ERBB4: variants seen among roughly 807,000 people sequenced by gnomAD.
ERBB4 encodes receptor tyrosine-protein kinase erbB-4.
In ERBB4, 42 loss-of-function variants were observed where a neutral mutation model predicts 158.0. The ratio of observed to expected loss-of-function variants is 0.27; its 90% confidence interval spans 0.21 to 0.34. The LOEUF (loss-of-function observed/expected upper bound fraction) is 0.34, where lower values mean the gene tolerates loss of function less well. Among genes scored for constraint, ERBB4 ranks in the 10% least tolerant of loss-of-function variants. The pLI is 1.00. For missense variants in ERBB4, 1,333 were observed against 1,624.1 expected, an observed-to-expected ratio of 0.82 and a Z score of 3.08; for synonymous variants, 583 against 558.7, an observed-to-expected ratio of 1.04 and a Z score of -0.61.
Position 212,391,405 on chromosome 2 carries a change from A to AT in ERBB4, c.82+147043dup, listed in dbSNP as rs571839379. On this transcript the variant is annotated intron_variant, in intron 1 of 27. Coordinates refer to ENST00000342788, the MANE Select transcript of ERBB4 (RefSeq NM_005235.3). ...ATGCTTCATTCACAGCTGATGTTTA[A>AT]TATATTTGCTTAATGAGCAGACTTT... is the stretch of plus-strand genomic sequence containing the variant. Among the ~76,000 whole-genome samples, 22 of 151,302 alleles carry AT rather than the reference A, an allele frequency of 1.5e-4. No individual in the cohort carries two copies. In the South Asian group the frequency reaches 4.4e-3, roughly 30 times the overall value.
At chr2:211,518,366 CA>C (rs2066094070) in intron 20 of ERBB4, among the ~76,000 whole-genome samples, 1 of 143,384 alleles carries the variant, frequency 7.0e-6, no homozygotes, top group African/African-American at 2.7e-5. Context: ...CTTGGAAACA[CA>C]CTAGGTCAAG....
At chr2:211,408,186 G>T (rs1370143486) in intron 25 of ERBB4, among the ~76,000 whole-genome samples, 3 of 152,120 alleles carry the variant, frequency 2.0e-5, no homozygotes, top group African/African-American at 7.2e-5. Flanking sequence ...TATATAAAGG[G>T]TAAAGAAACT....
At chr2:211,450,497 C>G (rs1353027770) in intron 20 of ERBB4, among the ~76,000 whole-genome samples, 2 of 152,022 alleles carry the variant, frequency 1.3e-5, no homozygotes, top group Non-Finnish European at 2.9e-5. Context: ...CAGCCCGGAC[C>G]AGGGTGGTGC....
At chr2:211,540,541 TTTG>T (rs1273645498) in intron 20 of ERBB4, among the ~76,000 whole-genome samples, 1 of 151,540 alleles carries the variant, frequency 6.6e-6, no homozygotes, top group Non-Finnish European at 1.5e-5. Flanking sequence ...TTGGTGTTTT[TTTG>T]TTTTTGTTTT....
At chr2:212,043,275 T>A (rs2077182007) in intron 2 of ERBB4, among the ~76,000 whole-genome samples, 1 of 152,212 alleles carries the variant, frequency 6.6e-6, no homozygotes, top group Non-Finnish European at 1.5e-5. Flanking sequence ...TCAACTCTCA[T>A]GCTTTTACAT....
At chr2:212,377,892 T>C (rs1560159014) in intron 1 of ERBB4, among the ~76,000 whole-genome samples, 1 of 151,980 alleles carries the variant, frequency 6.6e-6, no homozygotes, top group Admixed American at 6.6e-5. Context: ...CACAAGCACA[T>C]TGTACAGCTG....
chr2:211,416,620 C>G (rs559543704), intron 25 of ERBB4, among the ~76,000 whole-genome samples: 61 of 152,296 alleles, frequency 4.0e-4, no homozygotes, highest in African/African-American at 1.5e-3. Context: ...TACACAATTA[C>G]TTGTATAACA....
intron 4 of ERBB4, among the ~76,000 whole-genome samples, chr2:211,751,593 T>C (rs2075130400): frequency 6.6e-6 from 1 of 152,242 alleles, no homozygotes; most frequent in Admixed American, 6.5e-5. Flanking sequence ...TTAAACATTG[T>C]CAATTGTTTA....
At chr2:211,667,257 A>C (rs983325827) in intron 14 of ERBB4, among the ~76,000 whole-genome samples, 3 of 152,154 alleles carry the variant, frequency 2.0e-5, no homozygotes, top group African/African-American at 7.2e-5. Context: ...TAGATATTAC[A>C]AATTGGTTAC....
intron 1 of ERBB4, among the ~76,000 whole-genome samples, chr2:212,205,598 T>C (rs1463769612): frequency 1.3e-5 from 2 of 152,186 alleles, no homozygotes; most frequent in African/African-American, 4.8e-5. Context: ...CCTCAAATAT[T>C]AAAATTAAAA....
At chr2:212,354,429 G>T (rs1377436310) in intron 1 of ERBB4, among the ~76,000 whole-genome samples, 1 of 152,056 alleles carries the variant, frequency 6.6e-6, no homozygotes, top group African/African-American at 2.4e-5. Flanking sequence ...TAAATTTCTA[G>T]ATCTCATGAG....
intron 2 of ERBB4, among the ~76,000 whole-genome samples, chr2:211,957,259 T>C (rs1475590680): frequency 6.6e-6 from 1 of 152,012 alleles, no homozygotes; most frequent in Non-Finnish European, 1.5e-5. Context: ...TAATCCAATA[T>C]AACCAGTGTT....
At chr2:211,454,860 G>C (rs888228625) in intron 20 of ERBB4, among the ~76,000 whole-genome samples, 1 of 152,208 alleles carries the variant, frequency 6.6e-6, no homozygotes, top group African/African-American at 2.4e-5. Context: ...TGGCTTGTCA[G>C]TGCCTCCCCG....
intron 3 of ERBB4, among the ~76,000 whole-genome samples, chr2:211,902,198 A>G (rs1046500197): frequency 6.6e-6 from 1 of 152,238 alleles, no homozygotes; most frequent in Middle Eastern, 3.4e-3. Context: ...CTGTGCCTCC[A>G]CAAAGACTAT....
chr2:211,700,838 A>G (rs2073207774), intron 12 of ERBB4, among the ~76,000 whole-genome samples: 1 of 152,140 alleles, frequency 6.6e-6, no homozygotes, highest in Admixed American at 6.5e-5. Flanking sequence ...TGCCTTTTAG[A>G]ATGGATTGAT....
chr2:212,190,493 T>C (rs1336751697), intron 1 of ERBB4, among the ~76,000 whole-genome samples: 1 of 148,156 alleles, frequency 6.7e-6, no homozygotes, highest in Admixed American at 6.8e-5. Flanking sequence ...GCGGAGATCG[T>C]GCCATTGCAC....
intron 1 of ERBB4, among the ~76,000 whole-genome samples, chr2:212,187,421 T>TAATAAATAAATA (rs71054181): frequency 0.13 from 19,776 of 146,586 alleles, 1,544 homozygotes; most frequent in Non-Finnish European, 0.16. Flanking sequence ...TAAAGTATAA[T>TAATAAATAAATA]AATAAATAAA....
In ERBB4 at chr2:212,452,197, T is replaced by C. The variant is rs367938627; in HGVS notation, c.82+86252A>G. 8.5e-4 allele frequency among the ~76,000 whole-genome samples: 129 copies of C among 152,208 alleles called. 1 individual carries two copies. In the South Asian group the frequency reaches 0.027, roughly 31 times the overall value. On this transcript the variant is annotated intron_variant, in intron 1 of 27. Coordinates refer to ENST00000342788, the MANE Select transcript of ERBB4 (RefSeq NM_005235.3). The stretch of plus-strand genomic sequence containing the variant: ...TTTAAATCATGCCAGCCTAATGACC[T>C]TGCATATTTTATTAACACATACACT...
chr2:212,227,875 C>G (rs1185241700), intron 1 of ERBB4, among the ~76,000 whole-genome samples: 1 of 151,986 alleles, frequency 6.6e-6, no homozygotes, highest in Non-Finnish European at 1.5e-5. Flanking sequence ...TCAATGCACA[C>G]TCACATAGCA....
Sources: allele counts gnomAD v4.1 joint callset (sites outside exome capture counted in the v4.1 genomes callset), GRCh38; gene constraint gnomAD v4.1.1; transcripts MANE v1.5; gene names NCBI Gene and HGNC (gene_info 2026-07-23, HGNC 2026-07-21).